ST7: variants seen among roughly 807,000 people sequenced by gnomAD.
ST7 encodes suppression of tumorigenicity 7.
ST7 carries 28 observed loss-of-function variants against 78.7 expected under a neutral mutation model. The ratio of observed to expected loss-of-function variants is 0.36; its 90% CI spans 0.26 to 0.49. The LOEUF (loss-of-function observed/expected upper bound fraction) is 0.49, where lower values mean the gene tolerates loss of function less well. Among genes scored for constraint, ST7 ranks in the 20% least tolerant of loss-of-function variants. The pLI is 0.99. For synonymous variants in ST7, 247 were observed against 249.6 expected, an observed-to-expected ratio of 0.99 and a Z score of 0.10; for missense variants, 418 against 696.0, an observed-to-expected ratio of 0.60 and a Z score of 4.49.
chr7:117,138,755 A>G (rs1025281339), intron 9 of ST7, among the ~76,000 whole-genome samples: 1 of 152,242 alleles, frequency 6.6e-6, no homozygotes, highest in African/African-American at 2.4e-5. Flanking sequence ...AATGGGAACA[A>G]CAATAACAGT....
At chr7:117,053,607 C>T (rs141997972) in intron 1 of ST7, among the ~76,000 whole-genome samples, 1 of 152,338 alleles carries the variant, frequency 6.6e-6, no homozygotes, top group East Asian at 1.9e-4. Flanking sequence ...CCTTGGGTCT[C>T]AGCAGGCCAC....
intron 9 of ST7, among the ~76,000 whole-genome samples, chr7:117,142,229 C>A (rs144144590): frequency 6.6e-6 from 1 of 152,014 alleles, no homozygotes; most frequent in Non-Finnish European, 1.5e-5. Context: ...ATGGTCTAGT[C>A]CCTTAGCCAT....
chr7:116,999,391 GC>G (rs984877285), intron 1 of ST7, among the ~76,000 whole-genome samples: 6 of 152,144 alleles, frequency 3.9e-5, no homozygotes, highest in Admixed American at 1.3e-4. Context: ...AGCCTTCAGG[GC>G]CCCTTCTTGG....
chr7:117,191,543 C>G (rs1809785365), intron 12 of ST7: 1 of 151,980 alleles, frequency 6.6e-6, no homozygotes, highest in South Asian at 2.1e-4. Context: ...TTAAGGGAAT[C>G]AAATCAGAGC....
At chr7:117,070,176 G>A (rs1798852856) in intron 1 of ST7, among the ~76,000 whole-genome samples, 1 of 152,152 alleles carries the variant, frequency 6.6e-6, no homozygotes, top group South Asian at 2.1e-4. Flanking sequence ...GATGGAATTT[G>A]GTTAATTAGC....
At chr7:117,037,920 T>C (rs112783832) in intron 1 of ST7, among the ~76,000 whole-genome samples, 106 of 152,338 alleles carry the variant, frequency 7.0e-4, no homozygotes, top group African/African-American at 2.5e-3. Context: ...ATGATTGATA[T>C]CTTGATATAA....
chr7:116,996,391 T>C (rs897953350), intron 1 of ST7, among the ~76,000 whole-genome samples: 2 of 152,326 alleles, frequency 1.3e-5, no homozygotes, highest in East Asian at 3.9e-4. Flanking sequence ...CCCAGTTCTT[T>C]ATGTTCAATA....
intron 1 of ST7, among the ~76,000 whole-genome samples, chr7:117,090,262 C>G (rs1291145126): frequency 1.1e-4 from 16 of 150,368 alleles, no homozygotes; most frequent in African/African-American, 3.9e-4. Context: ...CAGACACACA[C>G]ACACACACAC....
At chr7:117,027,951 G>A (rs975104466) in intron 1 of ST7, among the ~76,000 whole-genome samples, 7 of 152,244 alleles carry the variant, frequency 4.6e-5, no homozygotes, top group Non-Finnish European at 4.4e-5. Flanking sequence ...AATATGATGT[G>A]TGGGCTTGTA....
In ST7 at chr7:117,190,108, T is replaced by C. The variant is rs1222040183; in HGVS notation, c.1151+715T>C. 6.0e-6 allele frequency: 1 copy of C among 166,888 alleles called. No homozygotes were observed. Among genetic ancestry groups the C allele is most frequent in the Non-Finnish European group, 1.5e-5 (1 of 68,180 alleles). The allele number at this position is 166,888 out of a possible 1,614,324, so 10.3% of individuals were successfully genotyped here. A position where few individuals can be genotyped will look rare whatever the true frequency, so the allele number is the denominator to read the frequency against. On this transcript the variant is annotated intron_variant, in intron 11 of 15. Transcript: ENST00000323984. The surrounding 1 kb of genome is among the most constrained non-coding windows in gnomAD (Gnocchi z 5.2). ...GTACACTTCAAGACCAAAGTAATTTTCTTTCATTCTTTTTTATCCTGTAGA... is the reference window on the plus strand; with the variant it reads ...GTACACTTCAAGACCAAAGTAATTTCCTTTCATTCTTTTTTATCCTGTAGA...
intron 1 of ST7, among the ~76,000 whole-genome samples, chr7:117,070,996 G>T (rs945999535): frequency 2.6e-5 from 4 of 151,964 alleles, no homozygotes; most frequent in Admixed American, 6.6e-5. Context: ...AAGGCGGGTG[G>T]ATCATGAGGT....
At chr7:117,151,714 A>C (rs577138161) in intron 9 of ST7, among the ~76,000 whole-genome samples, 3 of 152,264 alleles carry the variant, frequency 2.0e-5, no homozygotes, top group East Asian at 1.9e-4. Flanking sequence ...GCACTCAATT[A>C]ATTTTTGTGG....
intron 1 of ST7, among the ~76,000 whole-genome samples, chr7:117,071,274 C>G (rs1211907955): frequency 6.6e-6 from 1 of 152,108 alleles, no homozygotes; most frequent in African/African-American, 2.4e-5. Flanking sequence ...AAAGCTCCAT[C>G]TTTAAATAAA....
At chr7:117,114,549 T>C (rs1412132102) in intron 2 of ST7, among the ~76,000 whole-genome samples, 2 of 152,350 alleles carry the variant, frequency 1.3e-5, no homozygotes, top group East Asian at 1.9e-4. Flanking sequence ...TCTATCCTCC[T>C]GTGACATCAT....
At chr7:117,227,587 A>G (rs1406456497) in intron 15 of ST7, among the ~76,000 whole-genome samples, 14 of 152,158 alleles carry the variant, frequency 9.2e-5, no homozygotes, top group Admixed American at 7.9e-4. Context: ...ATGTATGTAC[A>G]CATATTATGT....
intron 13 of ST7, among the ~76,000 whole-genome samples, chr7:117,217,456 C>T (rs567628865): frequency 6.6e-6 from 1 of 152,212 alleles, no homozygotes; most frequent in South Asian, 2.1e-4. Context: ...CCTATAAAGG[C>T]ACTAAAAGGC....
At chr7:117,015,256 A>ATGT (rs1563012843) in intron 1 of ST7, among the ~76,000 whole-genome samples, 1 of 152,144 alleles carries the variant, frequency 6.6e-6, no homozygotes, top group Non-Finnish European at 1.5e-5. Flanking sequence ...ATCATACTTA[A>ATGT]ATGGACTTAA....
intron 12 of ST7, among the ~76,000 whole-genome samples, chr7:117,200,598 G>A (rs1374687323): frequency 6.6e-6 from 1 of 152,100 alleles, no homozygotes; most frequent in Non-Finnish European, 1.5e-5. Context: ...GGCACAACAG[G>A]CAGTCCCAGA....
chr7:117,139,222 A>G (rs1377037957), intron 9 of ST7, among the ~76,000 whole-genome samples: 1 of 152,210 alleles, frequency 6.6e-6, no homozygotes, highest in Non-Finnish European at 1.5e-5. Flanking sequence ...TTTTGTTAAT[A>G]GGAAATACTT....
Sources: gnomAD v4.1 joint callset for allele counts (sites outside exome capture counted in the v4.1 genomes callset) on GRCh38, gnomAD v4.1.1 for gene constraint, Gnocchi (gnomAD v3.1) non-coding constraint, MANE v1.5 for transcripts, NCBI Gene and HGNC (gene_info 2026-07-23, HGNC 2026-07-21) for gene names.